CBFA2T3: variants seen among roughly 807,000 people sequenced by gnomAD.
The protein encoded by CBFA2T3 is CBFA2/RUNX1 partner transcriptional co-repressor 3.
Under a neutral mutation model 58.6 loss-of-function variants are expected in CBFA2T3, and 31 were observed. The observed-to-expected ratio is 0.53, with a 90% CI of 0.40 to 0.71. The LOEUF (loss-of-function observed/expected upper bound fraction) is 0.71. Ranked by LOEUF, CBFA2T3 falls within the 30% of genes least tolerant of loss-of-function variation. The pLI is 0.00. For missense variants in CBFA2T3, 1,076 were observed against 963.1 expected (o/e 1.12, Z -1.55); for synonymous variants, 531 against 421.9 (o/e 1.26, Z -3.17).
Position 88,877,100 on chromosome 16 carries a change from G to A in CBFA2T3, c.1838C>T (p.Ala613Val), listed in dbSNP as rs2142520790. The A allele has an allele frequency of 1.3e-6, 2 of 1,544,354 alleles. No homozygotes were observed. The highest frequency in any genetic ancestry group is 2.0e-5 in the Admixed American group (1 of 50,994). The change falls in exon 12 of 12, where the codon GCC (alanine) becomes GTC (valine). Residue 613 changes from alanine to valine, a missense_variant. Coordinates refer to ENST00000268679, the MANE Select transcript of CBFA2T3 (RefSeq NM_005187.6). The stretch of plus-strand genomic sequence containing the variant: ...CAGGGAGGGGCCCAGGCTGTGGGCG[G>A]CTTCGGGCGGTCCAGGCACCGGGTC... Reference protein sequence around the residue: ...VADPVPGPPEAAHSLGPSLPV... With the variant: ...VADPVPGPPEVAHSLGPSLPV...
chr16:88,924,742 G>A (rs945854213), intron 1 of CBFA2T3, among the ~76,000 whole-genome samples: 8 of 152,230 alleles, frequency 5.3e-5, no homozygotes, highest in South Asian at 2.1e-4. Context: ...CCAGCTGGCC[G>A]GACGCGGCGG....
intron 1 of CBFA2T3, among the ~76,000 whole-genome samples, chr16:88,920,061 C>T (rs552976523): frequency 1.3e-5 from 2 of 152,256 alleles, no homozygotes; most frequent in Admixed American, 6.5e-5. Context: ...CTGGGGTGGG[C>T]GTTCCTGCCT....
intron 5 of CBFA2T3, 178 bp from the exon 6 acceptor site, chr16:88,886,320 T>G: frequency 2.2e-4 from 67 of 298,542 alleles, no homozygotes; most frequent in East Asian, 4.3e-4. Flanking sequence ...CATGGGAGGG[T>G]GGCGTGGGAG....
chr16:88,935,941 G>A (rs922749631), intron 1 of CBFA2T3, among the ~76,000 whole-genome samples: 4 of 151,626 alleles, frequency 2.6e-5, no homozygotes, highest in African/African-American at 9.7e-5. Flanking sequence ...GAGGGGAGTC[G>A]AATCCAGGTG....
rs188054917 is a variant in CBFA2T3 at position 88,911,264 on chromosome 16, G to A, written c.152-9608C>T. 1.4e-3 allele frequency among the ~76,000 whole-genome samples: 212 copies of A among 152,334 alleles called. 1 individual carries two copies. The highest frequency in any genetic ancestry group is 5.6e-3 in the South Asian group (27 of 4,830). On this transcript the variant is annotated intron_variant, in intron 1 of 11. Transcript: ENST00000268679. ...TGTGGGTGATGACGATGGACGGCACGGGGTTGCCATGGCAACAGAGCGGGG... is the reference window on the plus strand; with the variant it reads ...TGTGGGTGATGACGATGGACGGCACAGGGTTGCCATGGCAACAGAGCGGGG...
intron 1 of CBFA2T3, among the ~76,000 whole-genome samples, chr16:88,961,759 A>C (rs71395365): frequency 6.4e-5 from 5 of 77,914 alleles, no homozygotes; most frequent in African/African-American, 1.4e-4. Flanking sequence ...AGTAACCGAC[A>C]CTCAGCGCTG....
intron 1 of CBFA2T3, among the ~76,000 whole-genome samples, chr16:88,926,211 C>T (rs111574249): frequency 0.018 from 2,678 of 152,176 alleles, 73 homozygotes; most frequent in African/African-American, 0.062. Context: ...GCCGGGCTGC[C>T]GCCTCCAAGA....
At chr16:88,915,616 G>C (rs1194244274) in intron 1 of CBFA2T3, among the ~76,000 whole-genome samples, 1 of 40,386 alleles carries the variant, frequency 2.5e-5, no homozygotes, top group South Asian at 1.1e-3. Flanking sequence ...GTAGAGGGGA[G>C]CGTGGAGGGG....
chr16:88,880,928 A>G (rs1969043661), intron 9 of CBFA2T3, 140 bp from the exon 10 acceptor site: 1 of 802,652 alleles, frequency 1.2e-6, no homozygotes, highest in Non-Finnish European at 2.0e-6. Flanking sequence ...GCCCTCGGAC[A>G]AGGTCTGGCT....
intron 1 of CBFA2T3, among the ~76,000 whole-genome samples, chr16:88,962,647 CG>C (rs1050252339): frequency 6.6e-6 from 1 of 152,206 alleles, no homozygotes; most frequent in Non-Finnish European, 1.5e-5. Context: ...GACCACGTTT[CG>C]GGGGGAGACA....
Position 88,892,410 on chromosome 16 carries a change from G to A in CBFA2T3, c.455C>T (p.Pro152Leu), listed in dbSNP as rs376245705. ...CAAGGAGGCTGTGGACGAGGTGGCC[G>A]GGCCATTGCTGAAGCCGTTGGGTGT... The part of the protein sequence containing the change: ...PCTPNGFSNG[P>L]ATSSTASLST... The change falls in exon 4 of 12, where the codon CCG becomes CTG. Residue 152 changes from proline to leucine, a missense_variant. Pro to Leu is a moderately conservative substitution (Grantham distance 98, BLOSUM62 -3). Coordinates refer to ENST00000268679, the MANE Select transcript of CBFA2T3 (RefSeq NM_005187.6). 9.3e-6 allele frequency: 15 copies of A among 1,613,466 alleles called. No homozygotes were observed. The highest frequency in any genetic ancestry group is 2.7e-5 in the African/African-American group (2 of 74,940).
chr16:88,975,242 G>GTCCA (rs1329959781), intron 1 of CBFA2T3, among the ~76,000 whole-genome samples: 75 of 132,724 alleles, frequency 5.7e-4, no homozygotes, highest in South Asian at 2.7e-3. Flanking sequence ...CATGTCAGAG[G>GTCCA]CCCGCCCTGA....
intron 1 of CBFA2T3, among the ~76,000 whole-genome samples, chr16:88,920,278 T>G (rs904335387): frequency 6.6e-6 from 1 of 152,094 alleles, no homozygotes; most frequent in African/African-American, 2.4e-5. Context: ...GAATTTTACA[T>G]TTTATCTTCT....
At chr16:88,896,791 G>A (rs1045613572) in intron 3 of CBFA2T3, among the ~76,000 whole-genome samples, 7 of 152,128 alleles carry the variant, frequency 4.6e-5, no homozygotes, top group South Asian at 2.1e-4. Flanking sequence ...CCACCGCCCC[G>A]GCCAGCCTGG....
intron 1 of CBFA2T3, among the ~76,000 whole-genome samples, chr16:88,935,739 C>T (rs751707877): frequency 7.2e-5 from 11 of 152,206 alleles, no homozygotes; most frequent in South Asian, 2.1e-4. Context: ...TGCATCATGC[C>T]GCATCCACCA....
At chr16:88,962,738 G>T (rs1972399204) in intron 1 of CBFA2T3, among the ~76,000 whole-genome samples, 2 of 152,228 alleles carry the variant, frequency 1.3e-5, no homozygotes, top group East Asian at 1.9e-4. Context: ...ACGAACATGG[G>T]TGTCTTTAGA....
chr16:88,941,579 C>CGGGG (rs1400144420), intron 1 of CBFA2T3, among the ~76,000 whole-genome samples: 3 of 147,458 alleles, frequency 2.0e-5, no homozygotes, highest in South Asian at 2.1e-4. Context: ...GCGCCGGGAG[C>CGGGG]AGGGAGAGGG....
rs1481705569 is a variant in CBFA2T3, at chr16:88,885,523, G to A, written c.894-254C>T. Among the ~76,000 whole-genome samples the A allele has an allele frequency of 6.6e-6, 1 of 152,270 alleles. No individual in the cohort carries two copies. The highest frequency in any genetic ancestry group is 1.9e-4 in the East Asian group (1 of 5,178). On this transcript the variant is annotated intron_variant, in intron 6 of 11. Coordinates refer to ENST00000268679, the MANE Select transcript of CBFA2T3 (RefSeq NM_005187.6). This position sits in a 1 kb window ranked among gnomAD's most constrained non-coding sequence, Gnocchi z 5.3. Reference sequence around the variant, plus strand: ...GGCATCCTGGGGCCTGGTGGTCAAAGAGCCGGACTCGCTGCTCTGGGAACG... The same window carrying A: ...GGCATCCTGGGGCCTGGTGGTCAAAAAGCCGGACTCGCTGCTCTGGGAACG...
intron 1 of CBFA2T3, among the ~76,000 whole-genome samples, chr16:88,963,884 G>A (rs906324721): frequency 3.9e-5 from 6 of 152,228 alleles, no homozygotes; most frequent in Admixed American, 1.3e-4. Flanking sequence ...CCACACGGGC[G>A]TGGGTTCCTC....
Sources: gnomAD v4.1 joint callset for allele counts (sites outside exome capture counted in the v4.1 genomes callset) on GRCh38, gnomAD v4.1.1 for gene constraint, Gnocchi (gnomAD v3.1) non-coding constraint, MANE v1.5 for transcripts, NCBI Gene and HGNC (gene_info 2026-07-23, HGNC 2026-07-21) for gene names.